Variants in PRELID2 observed in about 807,000 individuals in gnomAD.
The protein encoded by PRELID2 is PRELI domain-containing protein 2.
A neutral mutation model predicts 28.4 loss-of-function variants in PRELID2; 25 were observed. The observed-to-expected ratio is 0.88, with a 90% CI of 0.64 to 1.23. The LOEUF is 1.23. Among genes scored for constraint, PRELID2 ranks in the 50% most tolerant of loss-of-function variants. PRELID2 has a pLI of 0.00. For missense variants in PRELID2, 201 were observed against 214.4 expected, an observed-to-expected ratio of 0.94 and a Z score of 0.39; for synonymous variants, 76 against 71.6, an observed-to-expected ratio of 1.06 and a Z score of -0.31.
chr5:145,268,547 T>C, the PRELID2 span, among the ~76,000 whole-genome samples: 1 of 152,140 alleles, frequency 6.6e-6, no homozygotes, highest in South Asian at 2.1e-4. Context: ...AGAATCTTAG[T>C]TGTTTATTCA....
rs541526045 is a variant in PRELID2, at chr5:145,629,288, A to T, written n.70+135643T>A. Among the ~76,000 whole-genome samples the T allele has an allele frequency of 1.1e-4, 16 of 152,364 alleles. No individual in the cohort carries two copies. The South Asian group carries it at 3.3e-3, about 32-fold the overall frequency. On this transcript the variant is annotated intron_variant and non_coding_transcript_variant, in intron 1 of 2. Coordinates refer to the PRELID2 transcript ENST00000510259. The stretch of plus-strand genomic sequence containing the variant: ...CACTCTATGAGGAGAGAGTATGAGT[A>T]GCCTGGTGTGCACATCTGCATTTGT...
the PRELID2 span, among the ~76,000 whole-genome samples, chr5:145,441,409 ATAAT>A: frequency 1.3e-5 from 2 of 152,158 alleles, no homozygotes; most frequent in East Asian, 3.9e-4. Context: ...CATTTGTAAT[ATAAT>A]TAGTCTCACA....
At chr5:145,682,270 A>G (rs748986555) in intron 1 of PRELID2, among the ~76,000 whole-genome samples, 5 of 152,226 alleles carry the variant, frequency 3.3e-5, no homozygotes, top group Non-Finnish European at 7.3e-5. Flanking sequence ...GAATTTTTCT[A>G]TTAGTTTTGG....
At chr5:145,580,156 G>T (rs1753095208) in intron 1 of PRELID2, among the ~76,000 whole-genome samples, 1 of 151,980 alleles carries the variant, frequency 6.6e-6, no homozygotes, top group Non-Finnish European at 1.5e-5. Flanking sequence ...ACAGTAACTT[G>T]TGTTGCCTTA....
At chr5:145,654,434 A>G (rs1754355174) in intron 1 of PRELID2, among the ~76,000 whole-genome samples, 1 of 152,214 alleles carries the variant, frequency 6.6e-6, no homozygotes, top group Non-Finnish European at 1.5e-5. Flanking sequence ...AACCTGACAG[A>G]GACACAACAA....
chr5:145,774,462 C>T (rs1758288436), intron 5 of PRELID2, among the ~76,000 whole-genome samples: 1 of 152,208 alleles, frequency 6.6e-6, no homozygotes, highest in African/African-American at 2.4e-5. Flanking sequence ...TGGCACACAA[C>T]AGACTTTTGT....
chr5:145,480,574 A>G (rs1285519127), intron 1 of PRELID2, among the ~76,000 whole-genome samples: 2 of 145,418 alleles, frequency 1.4e-5, no homozygotes, highest in East Asian at 5.3e-4. Flanking sequence ...TTGTGGCTTG[A>G]AAAATGCCCT....
At chr5:145,817,222 T>A (rs191687949) in intron 4 of PRELID2, among the ~76,000 whole-genome samples, 3,791 of 113,296 alleles carry the variant, frequency 0.033, 323 homozygotes, top group African/African-American at 0.065. Flanking sequence ...TAAAAAAAAA[T>A]ATATATATAT....
At chr5:145,665,390 C>A (rs1340952525) in intron 1 of PRELID2, among the ~76,000 whole-genome samples, 2 of 152,032 alleles carry the variant, frequency 1.3e-5, no homozygotes, top group African/African-American at 4.8e-5. Flanking sequence ...TGCTTTAGAT[C>A]CAGGATTGGG....
At chr5:145,570,051 T>C (rs981233566) in intron 1 of PRELID2, among the ~76,000 whole-genome samples, 2 of 152,142 alleles carry the variant, frequency 1.3e-5, no homozygotes, top group African/African-American at 2.4e-5. Flanking sequence ...CAGCTTCTGG[T>C]TGTTCGCATT....
At chr5:145,685,984 C>G (rs1031993213) in intron 1 of PRELID2, among the ~76,000 whole-genome samples, 2 of 152,198 alleles carry the variant, frequency 1.3e-5, no homozygotes, top group Admixed American at 1.3e-4. Context: ...CTTTGAAAAG[C>G]CCTTTGTCAT....
At chr5:145,691,102 CTT>C (rs1294296041) in intron 1 of PRELID2, among the ~76,000 whole-genome samples, 1 of 152,176 alleles carries the variant, frequency 6.6e-6, no homozygotes, top group African/African-American at 2.4e-5. Context: ...TGTCAACTCT[CTT>C]TTGCCTATAA....
the PRELID2 span, among the ~76,000 whole-genome samples, chr5:145,388,398 TA>T: frequency 6.6e-6 from 1 of 152,202 alleles, no homozygotes; most frequent in African/African-American, 2.4e-5. Flanking sequence ...AACAAGTATC[TA>T]GGCATTTGAT....
chr5:145,551,744 CTCTT>C (rs1752837268), intron 1 of PRELID2, among the ~76,000 whole-genome samples: 1 of 152,130 alleles, frequency 6.6e-6, no homozygotes, highest in African/African-American at 2.4e-5. Context: ...AATAAAGAGA[CTCTT>C]TACAAAAGTG....
chr5:145,520,470 C>A (rs1752554658), intron 1 of PRELID2, among the ~76,000 whole-genome samples: 1 of 152,180 alleles, frequency 6.6e-6, no homozygotes, highest in South Asian at 2.1e-4. Flanking sequence ...CACAAGCCTT[C>A]TTCAGTTTCC....
chr5:145,406,577 A>G, the PRELID2 span, among the ~76,000 whole-genome samples: 31 of 152,228 alleles, frequency 2.0e-4, no homozygotes, highest in Non-Finnish European at 4.4e-4. Context: ...TGGAGACAGA[A>G]CTAATGTGGA....
intron 1 of PRELID2, among the ~76,000 whole-genome samples, chr5:145,475,472 G>A (rs1224232647): frequency 6.6e-6 from 1 of 152,064 alleles, no homozygotes; most frequent in East Asian, 1.9e-4. Flanking sequence ...CTCAATTTCA[G>A]GTGGCTATTT....
intron 4 of PRELID2, among the ~76,000 whole-genome samples, chr5:145,806,163 T>C (rs1423590447): frequency 6.6e-6 from 1 of 152,218 alleles, no homozygotes; most frequent in Non-Finnish European, 1.5e-5. Flanking sequence ...TAGATTATTG[T>C]AACTTTTCTA....
chr5:145,481,037 A>G (rs147975011), intron 1 of PRELID2, among the ~76,000 whole-genome samples: 1 of 152,266 alleles, frequency 6.6e-6, no homozygotes, highest in East Asian at 1.9e-4. Context: ...GTCAGCCTCT[A>G]TAATTCTTTG....
Sources: allele counts gnomAD v4.1 joint callset (sites outside exome capture counted in the v4.1 genomes callset), GRCh38; gene constraint gnomAD v4.1.1; transcripts MANE v1.5; gene names NCBI Gene and HGNC (gene_info 2026-07-23, HGNC 2026-07-21).